The following NAALADL2 variants were observed in gnomAD, a reference collection of about 807,000 sequenced individuals.
NAALADL2 encodes inactive N-acetylated-alpha-linked acidic dipeptidase-like protein 2.
Under a neutral mutation model 87.2 loss-of-function variants are expected in NAALADL2, and 76 were observed. That is an observed-to-expected ratio of 0.87 (90% CI 0.72 to 1.05). NAALADL2 has a LOEUF of 1.05. Ranked by LOEUF, NAALADL2 falls within the 50% of genes least tolerant of loss-of-function variation. The pLI, the probability that NAALADL2 is intolerant of heterozygous loss-of-function variation, is 0.00. For missense variants in NAALADL2, 1,089 were observed against 945.8 expected (o/e 1.15, Z -1.99); for synonymous variants, 354 against 331.0 (o/e 1.07, Z -0.75).
chr3:175,203,226 C>T (rs1326818928), intron 2 of NAALADL2, among the ~76,000 whole-genome samples: 1 of 152,114 alleles, frequency 6.6e-6, no homozygotes, highest in Admixed American at 6.5e-5. Context: ...GCCCCCCTCA[C>T]CCCACTCCTC....
At chr3:174,493,112 G>C (rs1233592449) in intron 1 of NAALADL2, among the ~76,000 whole-genome samples, 1 of 152,104 alleles carries the variant, frequency 6.6e-6, no homozygotes, top group Non-Finnish European at 1.5e-5. Context: ...CTAGAACCCA[G>C]CTTTTTTATT....
intron 2 of NAALADL2, among the ~76,000 whole-genome samples, chr3:174,594,457 C>G (rs1717680536): frequency 6.6e-6 from 1 of 152,166 alleles, no homozygotes; most frequent in African/African-American, 2.4e-5. Context: ...AATCTCTAAG[C>G]AATTTCTTTC....
At chr3:175,166,617 A>T (rs1187428892) in intron 2 of NAALADL2, among the ~76,000 whole-genome samples, 8 of 151,660 alleles carry the variant, frequency 5.3e-5, no homozygotes. Context: ...TGCTGACATC[A>T]TATCCTCTCC....
intron 2 of NAALADL2, among the ~76,000 whole-genome samples, chr3:175,210,424 A>T (rs1430572746): frequency 3.3e-5 from 5 of 151,840 alleles, no homozygotes; most frequent in African/African-American, 1.2e-4. Flanking sequence ...CTTTTTTGTT[A>T]TGAAATAATT....
chr3:175,076,880 A>C (rs1716701394), intron 1 of NAALADL2, among the ~76,000 whole-genome samples: 2 of 152,224 alleles, frequency 1.3e-5, no homozygotes, highest in African/African-American at 4.8e-5. Context: ...GTTCTATAGC[A>C]CAAGTGATAT....
intron 4 of NAALADL2, among the ~76,000 whole-genome samples, chr3:175,319,665 CA>C (rs1217266491): frequency 6.6e-6 from 1 of 151,974 alleles, no homozygotes; most frequent in Non-Finnish European, 1.5e-5. Context: ...ACTAAAAATA[CA>C]AAAATTAGCC....
intron 3 of NAALADL2, among the ~76,000 whole-genome samples, chr3:174,759,530 C>G (rs76068018): frequency 0.025 from 3,855 of 152,212 alleles, 72 homozygotes; most frequent in Non-Finnish European, 0.039. Context: ...AATGTAGAAG[C>G]AGGAATTATT....
chr3:175,047,120 G>A (rs9851386), intron 1 of NAALADL2, among the ~76,000 whole-genome samples: 36,169 of 151,980 alleles, frequency 0.24, 4,502 homozygotes, highest in East Asian at 0.38. Context: ...TCATGATCCA[G>A]TCATGTCCCC....
intron 2 of NAALADL2, among the ~76,000 whole-genome samples, chr3:175,113,230 G>C (rs192070043): frequency 6.6e-6 from 1 of 151,438 alleles, no homozygotes; most frequent in East Asian, 1.9e-4. Flanking sequence ...CAAGAAGGAC[G>C]TTGCAGAGCT....
chr3:175,472,644 T>G (rs2149296064), intron 9 of NAALADL2, among the ~76,000 whole-genome samples: 1 of 152,314 alleles, frequency 6.6e-6, no homozygotes, highest in South Asian at 2.1e-4. Flanking sequence ...TTGATTGAAG[T>G]GTAATGCAAA....
intron 3 of NAALADL2, among the ~76,000 whole-genome samples, chr3:174,844,834 G>GTTTT (rs1560280732): frequency 1.3e-5 from 1 of 76,446 alleles, no homozygotes; most frequent in African/African-American, 6.5e-5. Context: ...TAGTTCTAAT[G>GTTTT]GTTTTTTTTT....
chr3:175,622,170 C>A (rs1726321770), intron 10 of NAALADL2, among the ~76,000 whole-genome samples: 1 of 152,114 alleles, frequency 6.6e-6, no homozygotes, highest in African/African-American at 2.4e-5. Context: ...TAGAACTGCA[C>A]ATATCCTTTG....
At chr3:174,624,876 A>C (rs568226963) in intron 2 of NAALADL2, among the ~76,000 whole-genome samples, 1 of 152,258 alleles carries the variant, frequency 6.6e-6, no homozygotes, top group Non-Finnish European at 1.5e-5. Flanking sequence ...TATTTGAAAC[A>C]CTGTTACATA....
chr3:175,456,899 C>A (rs910123146), intron 6 of NAALADL2, among the ~76,000 whole-genome samples: 5 of 152,042 alleles, frequency 3.3e-5, no homozygotes, highest in African/African-American at 1.2e-4. Context: ...TTCTTGACTT[C>A]CTTTGCTTTG....
intron 2 of NAALADL2, among the ~76,000 whole-genome samples, chr3:175,148,295 A>G (rs1242676389): frequency 1.3e-5 from 2 of 151,248 alleles, no homozygotes; most frequent in African/African-American, 2.4e-5. Context: ...TAATGGGGTT[A>G]TTGGTTTTTT....
rs1169774525 is a variant in NAALADL2 at position 174,513,822 on chromosome 3, T to C, written c.-183-36747T>C. Among the ~76,000 whole-genome samples, 3 of 152,216 alleles carry C rather than the reference T, an allele frequency of 2.0e-5. No individual in the cohort carries two copies. The East Asian group carries it at 5.8e-4, about 29-fold the overall frequency. On this transcript the variant is annotated intron_variant, in intron 1 of 3. Coordinates refer to the NAALADL2 transcript ENST00000434257. ...TGTAGGACTAACAAAGAATTTCACA[T>C]GAAATATGAGACATCTGTTCTTGAA...
chr3:175,370,227 A>C (rs955707612), intron 5 of NAALADL2, among the ~76,000 whole-genome samples: 7 of 152,170 alleles, frequency 4.6e-5, no homozygotes, highest in Non-Finnish European at 8.8e-5. Context: ...TCTGGTTGCT[A>C]TCCAGGAGAG....
At chr3:175,110,733 A>C (rs185936335) in intron 2 of NAALADL2, among the ~76,000 whole-genome samples, 2 of 152,012 alleles carry the variant, frequency 1.3e-5, no homozygotes, top group Admixed American at 1.3e-4. Context: ...ACCTATAAGC[A>C]GAAAGATAAA....
intron 2 of NAALADL2, among the ~76,000 whole-genome samples, chr3:174,731,693 G>A (rs1278100305): frequency 6.6e-6 from 1 of 152,100 alleles, no homozygotes; most frequent in Non-Finnish European, 1.5e-5. Flanking sequence ...TTTCTGATCT[G>A]CAGTCTGGAA....
Sources: gnomAD v4.1 joint callset for allele counts (sites outside exome capture counted in the v4.1 genomes callset) on GRCh38, gnomAD v4.1.1 for gene constraint, MANE v1.5 for transcripts, NCBI Gene and HGNC (gene_info 2026-07-23, HGNC 2026-07-21) for gene names.